TMEM164: variants seen among roughly 807,000 people sequenced by gnomAD.
The protein encoded by TMEM164 is RP13-360B22.2.
Under a neutral mutation model 18.8 loss-of-function variants are expected in TMEM164, and 4 were observed. That is an observed-to-expected ratio of 0.21 (90% CI 0.10 to 0.49). TMEM164 has a LOEUF of 0.49. Among genes scored for constraint, TMEM164 ranks in the 20% least tolerant of loss-of-function variants. The pLI is 0.98. For missense variants in TMEM164, 108 were observed against 239.9 expected, an observed-to-expected ratio of 0.45 and a Z score of 3.63; for synonymous variants, 86 against 101.7, an observed-to-expected ratio of 0.85 and a Z score of 0.93.
At chrX:110,050,309 C>T (rs917129206) in intron 2 of TMEM164, among the ~76,000 whole-genome samples, 1 of 111,614 alleles carries the variant, frequency 9.0e-6, no homozygotes, top group African/African-American at 3.3e-5. Context: ...GTGCTAGGTA[C>T]GATACAACCC....
intron 2 of TMEM164, among the ~76,000 whole-genome samples, chrX:110,034,124 C>T (rs1468380602): frequency 8.9e-6 from 1 of 111,978 alleles, no homozygotes; most frequent in East Asian, 2.8e-4. Context: ...CCCAGAATCA[C>T]AGCTGTTTGA....
intron 3 of TMEM164, among the ~76,000 whole-genome samples, chrX:110,088,320 T>G (rs901045737): frequency 3.6e-5 from 4 of 111,697 alleles, no homozygotes. Flanking sequence ...GAGACTTAGT[T>G]TGGGGTCATA....
intron 2 of TMEM164, among the ~76,000 whole-genome samples, chrX:110,032,046 T>A (rs1239551020): frequency 2.7e-5 from 3 of 111,442 alleles, no homozygotes; most frequent in African/African-American, 9.8e-5. Context: ...TCCAGCTTGA[T>A]GGGGGAGAGG....
At chrX:110,055,262 T>G (rs1602540407) in intron 2 of TMEM164, 1 of 374,060 alleles carries the variant, frequency 2.7e-6, no homozygotes, top group South Asian at 2.5e-5. Flanking sequence ...AACATAGTGA[T>G]TCTCTCATTG....
At chrX:110,026,821 T>C (rs1934216300) in intron 2 of TMEM164, among the ~76,000 whole-genome samples, 1 of 111,922 alleles carries the variant, frequency 8.9e-6, no homozygotes, top group African/African-American at 3.3e-5. Context: ...TAACTTAACA[T>C]GTTATAATTT....
chrX:110,027,784 T>A (rs1338293806), intron 2 of TMEM164, among the ~76,000 whole-genome samples: 1 of 111,072 alleles, frequency 9.0e-6, no homozygotes, highest in Non-Finnish European at 1.9e-5. Context: ...TAAAAATAAA[T>A]AAATAAATAA....
At chrX:110,038,151 C>T (rs1934918925) in intron 2 of TMEM164, among the ~76,000 whole-genome samples, 2 of 108,374 alleles carry the variant, frequency 1.8e-5, no homozygotes, top group Non-Finnish European at 3.8e-5. Context: ...CCACTACGCC[C>T]GGCTAATTTT....
At chrX:110,007,274 C>T (rs1687923018) in intron 2 of TMEM164, among the ~76,000 whole-genome samples, 1 of 111,949 alleles carries the variant, frequency 8.9e-6, no homozygotes, top group African/African-American at 3.3e-5. Context: ...TTCATTTTGG[C>T]CTTGTCTGAT....
At position 110,037,984 on chromosome X, in the gene TMEM164, A is replaced by ATTTT. The variant is rs1036705725; in HGVS notation, c.391-29342_391-29339dup. ...TTCCTAAAGAACAGCCTTTGGACTC[A>ATTTT]TTTTTTTTTTTTTTTTTTTTTTTTG... On this transcript the variant is annotated intron_variant, in intron 2 of 6. Transcript: ENST00000372068. Among the ~76,000 whole-genome samples the ATTTT allele has an allele frequency of 5.4e-4, 39 of 72,685 alleles. 1 individual carries two copies. The highest frequency in any genetic ancestry group is 1.2e-3 in the South Asian group (2 of 1,629). The allele number at this position is 72,685 out of a possible 115,157, so 63.1% of individuals were successfully genotyped here.
At position 110,164,658 on chromosome X, in the gene TMEM164, G is replaced by C. The variant is rs190583661; in HGVS notation, c.587-6762G>C. ...TTGAAATTAACAAGAAATCTGATGA[G>C]TGGTAGTGAGCCAGGTACTAAAGGA... On this transcript the variant is annotated intron_variant, in intron 5 of 6. Transcript: ENST00000372068. 2.7e-5 allele frequency among the ~76,000 whole-genome samples: 3 copies of C among 111,472 alleles called. No individual in the cohort carries two copies. The Admixed American group carries it at 2.8e-4, about 11-fold the overall frequency.
intron 2 of TMEM164, among the ~76,000 whole-genome samples, chrX:110,021,250 A>T (rs1476238515): frequency 1.8e-5 from 2 of 112,004 alleles, no homozygotes; most frequent in African/African-American, 6.5e-5. Flanking sequence ...GATTCAATGG[A>T]CAAAGGAAGC....
At position 110,022,199 on chromosome X, in the gene TMEM164, A is replaced by ATGTGTGTGTGTGTGTGTGTGTGTGTG. The variant is rs754713777; in HGVS notation, c.390+18056_390+18057insGTGTGTGTGTGTGTGTGTGTGTGTGT. 4.5e-4 allele frequency among the ~76,000 whole-genome samples: 48 copies of ATGTGTGTGTGTGTGTGTGTGTGTGTG among 107,614 alleles called. 1 individual carries two copies. The highest frequency in any genetic ancestry group is 1.6e-3 in the African/African-American group (48 of 29,360). 93.4% of individuals were successfully genotyped at this position (107,614 alleles called of 115,157 possible). A position where few individuals can be genotyped will look rare whatever the true frequency, so the allele number is the denominator to read the frequency against. ...TCTGAGCCTAAACTGACCACTAGAA[A>ATGTGTGTGTGTGTGTGTGTGTGTGTG]TGTGTGTGTGTGTGTGTGTGTATTG... On this transcript the variant is annotated intron_variant, in intron 2 of 6. Coordinates refer to ENST00000372068, the MANE Select transcript of TMEM164 (RefSeq NM_032227.4).
intron 3 of TMEM164, among the ~76,000 whole-genome samples, chrX:110,083,388 T>A (rs1288261731): frequency 9.0e-6 from 1 of 111,622 alleles, no homozygotes. Flanking sequence ...CTAGGATTTT[T>A]TCAGCTTGTA....
intron 2 of TMEM164, among the ~76,000 whole-genome samples, chrX:110,038,814 C>A (rs1486968626): frequency 5.7e-5 from 5 of 87,059 alleles, no homozygotes; most frequent in Non-Finnish European, 8.3e-5. Flanking sequence ...ATGCTCAATT[C>A]AAGGAAAGAG....
chrX:110,076,030 TAGTA>T (rs1171060082), intron 3 of TMEM164, among the ~76,000 whole-genome samples: 1 of 102,516 alleles, frequency 9.8e-6, no homozygotes, highest in East Asian at 3.0e-4. Flanking sequence ...TTTTTTGTAA[TAGTA>T]AGATTGGTGC....
intron 3 of TMEM164, among the ~76,000 whole-genome samples, chrX:110,079,362 G>A (rs1202001348): frequency 8.9e-6 from 1 of 111,889 alleles, no homozygotes; most frequent in African/African-American, 3.3e-5. Flanking sequence ...CAAGCAAAAT[G>A]TGTTGAGCAT....
intron 3 of TMEM164, among the ~76,000 whole-genome samples, chrX:110,088,334 A>C (rs1366394542): frequency 8.9e-6 from 1 of 111,996 alleles, no homozygotes; most frequent in Non-Finnish European, 1.9e-5. Context: ...GGTCATATGC[A>C]GTTAAAAAGG....
intron 4 of TMEM164, among the ~76,000 whole-genome samples, chrX:110,111,923 G>A (rs754125740): frequency 3.9e-4 from 43 of 111,309 alleles, no homozygotes; most frequent in Non-Finnish European, 5.3e-4. Flanking sequence ...TAACAGTAGC[G>A]GTTGCTGGGT....
chrX:110,154,722 C>A (rs968934181), intron 5 of TMEM164, among the ~76,000 whole-genome samples: 9 of 112,159 alleles, frequency 8.0e-5, no homozygotes, highest in Admixed American at 7.5e-4. Flanking sequence ...GCCTGGCCTG[C>A]ACTAGAGTTT....
Sources: allele counts gnomAD v4.1 joint callset (sites outside exome capture counted in the v4.1 genomes callset), GRCh38; gene constraint gnomAD v4.1.1; transcripts MANE v1.5; gene names NCBI Gene and HGNC (gene_info 2026-07-23, HGNC 2026-07-21).